CD44: variants seen among roughly 807,000 people sequenced by gnomAD.
CD44 encodes CD44 antigen.
Under a neutral mutation model 88.8 loss-of-function variants are expected in CD44, and 49 were observed. That is an observed-to-expected ratio of 0.55 (90% CI 0.44 to 0.70). CD44 has a LOEUF of 0.70. Among genes scored for constraint, CD44 ranks in the 30% least tolerant of loss-of-function variants. The pLI is 0.00. For synonymous variants in CD44, 325 were observed against 312.3 expected (o/e 1.04, Z -0.43); for missense variants, 883 against 913.8 (o/e 0.97, Z 0.43).
At chr11:35,211,104 T>C (rs1948349169) in intron 13 of CD44, 142 bp from the exon 14 acceptor site, 1 of 653,314 alleles carries the variant, frequency 1.5e-6, no homozygotes, top group Admixed American at 2.5e-5. Context: ...TGTTCAATAG[T>C]ATGACAAACT....
At chr11:35,160,838 C>T (rs940089230) in intron 1 of CD44, among the ~76,000 whole-genome samples, 2 of 152,190 alleles carry the variant, frequency 1.3e-5, no homozygotes, top group Non-Finnish European at 2.9e-5. Flanking sequence ...CCCAGTGGAA[C>T]CCACTTTGGT....
intron 3 of CD44, among the ~76,000 whole-genome samples, chr11:35,186,224 A>G (rs1225818858): frequency 2.0e-5 from 3 of 152,224 alleles, no homozygotes; most frequent in East Asian, 3.8e-4. Context: ...ACATTATTAC[A>G]TTAATGAAAG....
At chr11:35,178,552 T>C (rs1469234328) in intron 2 of CD44, among the ~76,000 whole-genome samples, 1 of 152,196 alleles carries the variant, frequency 6.6e-6, no homozygotes, top group Non-Finnish European at 1.5e-5. Flanking sequence ...AAAGTATGCT[T>C]CCTGGATTTG....
At chr11:35,219,937 A>G (rs1183937877) in intron 16 of CD44, among the ~76,000 whole-genome samples, 1 of 152,214 alleles carries the variant, frequency 6.6e-6, no homozygotes. Flanking sequence ...ATGTGCAGTG[A>G]GGAGGCTGGG....
At chr11:35,191,504 T>A (rs1249015675) in intron 5 of CD44, among the ~76,000 whole-genome samples, 1 of 152,228 alleles carries the variant, frequency 6.6e-6, no homozygotes, top group Non-Finnish European at 1.5e-5. Context: ...CGGGCCGTGC[T>A]GCTAGCTACT....
intron 1 of CD44, 76 bp from the exon 2 acceptor site, chr11:35,176,499 C>G (rs1944483343): frequency 5.8e-6 from 8 of 1,389,640 alleles, no homozygotes; most frequent in Non-Finnish European, 9.9e-7. Context: ...TTTAAGGAGT[C>G]TGTCCTAAAC....
intron 14 of CD44, among the ~76,000 whole-genome samples, chr11:35,211,696 G>A (rs1258154183): frequency 6.6e-6 from 1 of 151,900 alleles, no homozygotes; most frequent in East Asian, 1.9e-4. Flanking sequence ...GTGTGTGTGT[G>A]TGTGTGTGTT....
At chr11:35,212,654 A>G (rs1042760556) in intron 14 of CD44, 1 of 152,160 alleles carries the variant, frequency 6.6e-6, no homozygotes, top group South Asian at 2.1e-4. Flanking sequence ...GAAAATGCTA[A>G]CTTCAGCAAT....
chr11:35,181,678 ATATTTATATATATATT>A (rs1156591624), intron 3 of CD44, among the ~76,000 whole-genome samples: 13 of 129,674 alleles, frequency 1.0e-4, no homozygotes, highest in African/African-American at 2.9e-4. Context: ...ACATATATAT[ATATTTATATATATATT>A]TATTTATATA....
At chr11:35,218,121 C>A (rs1405928231) in intron 15 of CD44, among the ~76,000 whole-genome samples, 2 of 151,866 alleles carry the variant, frequency 1.3e-5, no homozygotes, top group African/African-American at 4.8e-5. Flanking sequence ...ATTGTGTCTC[C>A]CTCATTTCGA....
At chr11:35,174,996 G>C (rs1463831902) in intron 1 of CD44, among the ~76,000 whole-genome samples, 1 of 152,192 alleles carries the variant, frequency 6.6e-6, no homozygotes, top group Non-Finnish European at 1.5e-5. Context: ...AATGAGTTGA[G>C]GGAGAGACTG....
intron 1 of CD44, among the ~76,000 whole-genome samples, chr11:35,147,414 C>T (rs1259316601): frequency 2.0e-5 from 3 of 152,146 alleles, no homozygotes; most frequent in East Asian, 3.8e-4. Flanking sequence ...ACCAGATGAC[C>T]AGGCTTCTAT....
At position 35,226,937 on chromosome 11, in the gene CD44, T is replaced by C. The variant is rs190708277; in HGVS notation, c.2025-2192T>C. Among the ~76,000 whole-genome samples the C allele has an allele frequency of 2.9e-4, 40 of 137,398 alleles. 1 individual carries two copies. Among genetic ancestry groups the C allele is most frequent in the Admixed American group, 6.7e-4 (8 of 11,986 alleles). 90.1% of individuals were successfully genotyped at this position (137,398 alleles called of 152,430 possible). On this transcript the variant is annotated intron_variant, in intron 17 of 17. Transcript: ENST00000428726. ...TCTTACTGTGTCACCCAGGCTGGAG[T>C]GCGGTGATGCAATCTCAGCTTACTG...
At chr11:35,188,069 C>T (rs887252719) in intron 4 of CD44, among the ~76,000 whole-genome samples, 2 of 152,204 alleles carry the variant, frequency 1.3e-5, no homozygotes, top group Non-Finnish European at 2.9e-5. Context: ...ACTGCTAACC[C>T]TGATCTTACG....
At chr11:35,211,986 G>T (rs1280771737) in intron 14 of CD44, among the ~76,000 whole-genome samples, 4 of 151,962 alleles carry the variant, frequency 2.6e-5, no homozygotes, top group African/African-American at 9.7e-5. Context: ...TTCTAGTTCT[G>T]ATGCACACTT....
chr11:35,164,672 T>C (rs1363572439), intron 1 of CD44, among the ~76,000 whole-genome samples: 8 of 152,188 alleles, frequency 5.3e-5, no homozygotes, highest in African/African-American at 1.7e-4. Context: ...TAGAGTAGGA[T>C]TGGAAACTCA....
intron 9 of CD44, 51 bp from the exon 10 acceptor site, chr11:35,204,461 T>C (rs949432216): frequency 1.3e-6 from 2 of 1,590,120 alleles, no homozygotes; most frequent in Non-Finnish European, 1.7e-6. Context: ...TTGACAGCTA[T>C]TGGTGAGGAA....
chr11:35,166,391 G>A (rs910074150), intron 1 of CD44, among the ~76,000 whole-genome samples: 1 of 151,828 alleles, frequency 6.6e-6, no homozygotes, highest in African/African-American at 2.4e-5. Context: ...GACCAGGAGT[G>A]GGGGGTTAAA....
chr11:35,205,850 C>A, intron 10 of CD44: 1 of 1,090,758 alleles, frequency 9.2e-7, no homozygotes, highest in Non-Finnish European at 1.1e-6. Context: ...ATGTCGGTAA[C>A]TCATCCTTTC....
Sources: gnomAD v4.1 joint callset for allele counts (sites outside exome capture counted in the v4.1 genomes callset) on GRCh38, gnomAD v4.1.1 for gene constraint, MANE v1.5 for transcripts, NCBI Gene and HGNC (gene_info 2026-07-23, HGNC 2026-07-21) for gene names.